CFAP263: variants seen among roughly 807,000 people sequenced by gnomAD.
CFAP263 encodes cilia and flagella associated protein 263.
the CFAP263 span, among the ~76,000 whole-genome samples, chr16:58,252,151 T>A: frequency 1.3e-5 from 2 of 152,228 alleles, no homozygotes; most frequent in South Asian, 4.2e-4. Flanking sequence ...GGAGGATCAC[T>A]TTAGGCCAGG....
the CFAP263 span, among the ~76,000 whole-genome samples, chr16:58,261,953 T>C: frequency 6.6e-6 from 1 of 152,162 alleles, no homozygotes; most frequent in African/African-American, 2.4e-5. Flanking sequence ...TAAAAACAAC[T>C]TTTAAATGGC....
chr16:58,280,591 G>A, the CFAP263 span: 1 of 1,614,116 alleles, frequency 6.2e-7, no homozygotes. Flanking sequence ...TGAGGACAGG[G>A]GAGGGCCGGC....
the CFAP263 span, chr16:58,267,626 C>A: frequency 1.6e-6 from 2 of 1,288,818 alleles, no homozygotes; most frequent in South Asian, 1.2e-5. Context: ...ATGTTTGTCT[C>A]CTTGTGTTTA....
chr16:58,266,729 C>T, the CFAP263 span, among the ~76,000 whole-genome samples: 1 of 152,096 alleles, frequency 6.6e-6, no homozygotes, highest in African/African-American at 2.4e-5. Flanking sequence ...TGACTCTTCC[C>T]CACTGACAGA....
chr16:58,265,386 G>T, the CFAP263 span, among the ~76,000 whole-genome samples: 4 of 152,188 alleles, frequency 2.6e-5, no homozygotes, highest in Admixed American at 2.0e-4. Context: ...AGGAGAAATG[G>T]CTGGAGGAGG....
the CFAP263 span, among the ~76,000 whole-genome samples, chr16:58,271,380 A>G: frequency 3.9e-5 from 6 of 152,224 alleles, no homozygotes; most frequent in Non-Finnish European, 8.8e-5. Context: ...AACCTCTTAC[A>G]TCAGTACAAT....
At chr16:58,274,163 G>C in the CFAP263 span, among the ~76,000 whole-genome samples, 1,661 of 152,300 alleles carry the variant, frequency 0.011, 16 homozygotes, top group Non-Finnish European at 0.017. Flanking sequence ...CCTTTGCAGG[G>C]GCAAGGTGTT....
the CFAP263 span, among the ~76,000 whole-genome samples, chr16:58,257,888 A>G: frequency 6.6e-6 from 1 of 151,956 alleles, no homozygotes; most frequent in Admixed American, 6.6e-5. Context: ...TGGGCGGATC[A>G]CCTGAGGTCA....
At chr16:58,259,538 C>G in the CFAP263 span, among the ~76,000 whole-genome samples, 2 of 152,144 alleles carry the variant, frequency 1.3e-5, no homozygotes, top group African/African-American at 4.8e-5. Flanking sequence ...ATTATGTAAA[C>G]TACCGTGGGA....
chr16:58,260,565 G>A, the CFAP263 span, among the ~76,000 whole-genome samples: 12 of 152,170 alleles, frequency 7.9e-5, no homozygotes, highest in Non-Finnish European at 1.5e-4. Flanking sequence ...TGGGAATATG[G>A]CCTGGTGGCA....
chr16:58,278,711 G>C, the CFAP263 span: 1 of 1,418,134 alleles, frequency 7.1e-7, no homozygotes, highest in Non-Finnish European at 9.9e-7. Flanking sequence ...TTGTTCTTTG[G>C]GGTAAGAATA....
At chr16:58,251,564 G>A in the CFAP263 span, among the ~76,000 whole-genome samples, 4 of 152,022 alleles carry the variant, frequency 2.6e-5, no homozygotes, top group African/African-American at 9.7e-5. Flanking sequence ...GCTAATTCTT[G>A]TACTTTTAGT....
chr16:58,279,496 G>A, the CFAP263 span, among the ~76,000 whole-genome samples: 5 of 151,916 alleles, frequency 3.3e-5, no homozygotes, highest in East Asian at 1.9e-4. Context: ...AAAATCTTCC[G>A]GTGGGTGCTG....
the CFAP263 span, among the ~76,000 whole-genome samples, chr16:58,261,244 C>T: frequency 6.6e-6 from 1 of 152,114 alleles, no homozygotes; most frequent in African/African-American, 2.4e-5. Flanking sequence ...GAAGGGAGAG[C>T]AGAGCTGGGG....
the CFAP263 span, chr16:58,262,650 C>T: frequency 1.0e-6 from 1 of 984,128 alleles, no homozygotes; most frequent in South Asian, 2.1e-5. Flanking sequence ...TGGGTGCCCC[C>T]TCGCTGTCAA....
the CFAP263 span, among the ~76,000 whole-genome samples, chr16:58,265,621 G>C: frequency 6.6e-6 from 1 of 152,216 alleles, no homozygotes; most frequent in Non-Finnish European, 1.5e-5. Flanking sequence ...ATTTCAGCCA[G>C]ATGTGACCAT....
chr16:58,264,062 A>C, the CFAP263 span, among the ~76,000 whole-genome samples: 1 of 152,260 alleles, frequency 6.6e-6, no homozygotes, highest in Non-Finnish European at 1.5e-5. Context: ...CTTTTCCAGC[A>C]TAAAGTACGT....
At chr16:58,267,770 T>A in the CFAP263 span, among the ~76,000 whole-genome samples, 1 of 151,972 alleles carries the variant, frequency 6.6e-6, no homozygotes, top group Non-Finnish European at 1.5e-5. Flanking sequence ...ACAGTCCAGG[T>A]GTGTCGCATT....
chr16:58,258,959 C>A, the CFAP263 span, among the ~76,000 whole-genome samples: 1 of 150,242 alleles, frequency 6.7e-6, no homozygotes, highest in Non-Finnish European at 1.5e-5. Context: ...GCCTGGGCAG[C>A]AGAGCAAGAC....
Sources: allele counts gnomAD v4.1 joint callset (sites outside exome capture counted in the v4.1 genomes callset), GRCh38; gene constraint gnomAD v4.1.1; transcripts MANE v1.5; gene names NCBI Gene and HGNC (gene_info 2026-07-23, HGNC 2026-07-21).